The following RNGTT variants were observed in gnomAD, a reference collection of about 807,000 sequenced individuals.
RNGTT encodes the protein mRNA-capping enzyme.
In RNGTT, 33 loss-of-function variants were observed where a neutral mutation model predicts 79.3. The observed-to-expected ratio is 0.42, with a 90% CI of 0.32 to 0.56. RNGTT has a LOEUF of 0.56. RNGTT is among the 20% of genes least tolerant of loss of function. The pLI, the probability that RNGTT is intolerant of heterozygous loss-of-function variation, is 0.17. For missense variants in RNGTT, 497 were observed against 739.1 expected, an observed-to-expected ratio of 0.67 and a Z score of 3.80; for synonymous variants, 222 against 235.9, an observed-to-expected ratio of 0.94 and a Z score of 0.54.
At chr6:88,635,774 T>A (rs1562161761) in intron 14 of RNGTT, among the ~76,000 whole-genome samples, 1 of 152,080 alleles carries the variant, frequency 6.6e-6, no homozygotes, top group Non-Finnish European at 1.5e-5. Context: ...TAACTTGTTC[T>A]GAATTCTGTG....
chr6:88,963,556 T>A lies in RNGTT; in HGVS notation c.-147A>T. 1 of 693,060 alleles carries A rather than the reference T, an allele frequency of 1.4e-6. No individual in the cohort carries two copies. Among genetic ancestry groups the A allele is most frequent in the Non-Finnish European group, 2.2e-6 (1 of 449,066 alleles). 42.9% of individuals were successfully genotyped at this position (693,060 alleles called of 1,614,324 possible). On this transcript the variant is annotated 5_prime_UTR_variant, in exon 1 of 16. An upstream open reading frame in the 5' UTR loses its in-frame stop. Transcript: ENST00000369485. ...TCCAACCTCTCCGATCCGGGTAACG[T>A]CAGGGGCGGCGCGCCACTTTCATTC...
intron 13 of RNGTT, among the ~76,000 whole-genome samples, chr6:88,749,729 A>T (rs2127829649): frequency 6.6e-6 from 1 of 152,308 alleles, no homozygotes; most frequent in Non-Finnish European, 1.5e-5. Context: ...AACAATGTAT[A>T]CCAAGAGTAT....
chr6:88,693,628 T>C (rs897286397), intron 13 of RNGTT, among the ~76,000 whole-genome samples: 2 of 152,112 alleles, frequency 1.3e-5, no homozygotes, highest in Non-Finnish European at 1.5e-5. Context: ...ATTACCCTGA[T>C]ACCAATGCCA....
chr6:88,678,333 C>A lies in RNGTT; in HGVS notation c.1506+20G>T. 1 of 1,588,074 alleles carries A rather than the reference C, an allele frequency of 6.3e-7. No individual in the cohort carries two copies. The highest frequency in any genetic ancestry group is 8.6e-7 in the Non-Finnish European group (1 of 1,164,884). ...TAAGAGAACATCCAGGAAAAGTACACTGAAAATGAACAAACATACCTTGAT... is the reference window on the plus strand; with the variant it reads ...TAAGAGAACATCCAGGAAAAGTACAATGAAAATGAACAAACATACCTTGAT... On this transcript the variant is annotated intron_variant, in intron 14 of 15. Coordinates refer to ENST00000369485, the MANE Select transcript of RNGTT (RefSeq NM_003800.5).
chr6:88,876,114 T>C (rs1782509757), intron 8 of RNGTT, among the ~76,000 whole-genome samples: 1 of 152,206 alleles, frequency 6.6e-6, no homozygotes, highest in African/African-American at 2.4e-5. Context: ...ACAAAAAAAC[T>C]GGAGTCTAAA....
chr6:88,701,226 G>A lies in RNGTT; in HGVS notation c.1440-22807C>T, dbSNP rs140543873. 1.9e-3 allele frequency among the ~76,000 whole-genome samples: 288 copies of A among 152,168 alleles called. 1 individual carries two copies. Among genetic ancestry groups the A allele is most frequent in the Non-Finnish European group, 3.1e-3 (209 of 67,956 alleles). ...GCAAAGATGAGTAACATGAATGCTGGAAAGGTATGTAGTAATGTGGAAGGC... is the reference window on the plus strand; with the variant it reads ...GCAAAGATGAGTAACATGAATGCTGAAAAGGTATGTAGTAATGTGGAAGGC... On this transcript the variant is annotated intron_variant, in intron 13 of 15. Coordinates refer to ENST00000369485, the MANE Select transcript of RNGTT (RefSeq NM_003800.5).
chr6:88,699,888 G>A (rs889011490), intron 13 of RNGTT, among the ~76,000 whole-genome samples: 2 of 152,108 alleles, frequency 1.3e-5, no homozygotes, highest in Non-Finnish European at 2.9e-5. Context: ...TCAGAAAATA[G>A]AATAGTGGTT....
chr6:88,839,771 T>G (rs1177356056), intron 11 of RNGTT, among the ~76,000 whole-genome samples: 1 of 152,196 alleles, frequency 6.6e-6, no homozygotes, highest in Non-Finnish European at 1.5e-5. Context: ...ATATAGTCTG[T>G]TCAAATAATT....
chr6:88,804,004 C>T (rs533589453), intron 11 of RNGTT, among the ~76,000 whole-genome samples: 1 of 152,064 alleles, frequency 6.6e-6, no homozygotes, highest in Admixed American at 6.5e-5. Flanking sequence ...TTTTTCTTTA[C>T]TTGACACATA....
chr6:88,620,513 C>A (rs529551798), intron 14 of RNGTT, among the ~76,000 whole-genome samples: 297 of 152,270 alleles, frequency 2.0e-3, no homozygotes, highest in Non-Finnish European at 3.3e-3. Flanking sequence ...TCCAAACTTT[C>A]AACATATGCA....
intron 14 of RNGTT, among the ~76,000 whole-genome samples, chr6:88,669,246 G>C (rs1774535743): frequency 6.6e-6 from 1 of 152,138 alleles, no homozygotes; most frequent in African/African-American, 2.4e-5. Context: ...AACTGCCAGG[G>C]AAGACAAAAG....
chr6:88,761,721 A>T (rs1158846941), intron 13 of RNGTT, among the ~76,000 whole-genome samples: 2 of 152,192 alleles, frequency 1.3e-5, no homozygotes, highest in African/African-American at 4.8e-5. Flanking sequence ...GCTTTGATTT[A>T]GCACCACAAT....
At chr6:88,953,072 C>T (rs918204909) in intron 1 of RNGTT, among the ~76,000 whole-genome samples, 20 of 152,124 alleles carry the variant, frequency 1.3e-4, no homozygotes, top group South Asian at 1.0e-3. Context: ...TTCTATAAAA[C>T]GCCCCAAAAA....
At chr6:88,759,551 C>G (rs935664979) in intron 13 of RNGTT, among the ~76,000 whole-genome samples, 1 of 151,840 alleles carries the variant, frequency 6.6e-6, no homozygotes, top group African/African-American at 2.4e-5. Context: ...CATATACATG[C>G]ACATACATGT....
chr6:88,638,259 T>G (rs1465087312), intron 14 of RNGTT, among the ~76,000 whole-genome samples: 3 of 152,204 alleles, frequency 2.0e-5, no homozygotes, highest in Non-Finnish European at 4.4e-5. Flanking sequence ...TGAGCAATTT[T>G]CTCACAGGAA....
intron 6 of RNGTT, among the ~76,000 whole-genome samples, chr6:88,902,111 C>T (rs763821929): frequency 2.4e-4 from 37 of 151,844 alleles, no homozygotes; most frequent in Admixed American, 3.3e-4. Context: ...TAGCTTGAGC[C>T]CAGAAGTTCA....
intron 8 of RNGTT, among the ~76,000 whole-genome samples, chr6:88,889,342 TATAATGTTAAAATATCATTATA>T (rs1782969216): frequency 6.6e-6 from 1 of 152,112 alleles, no homozygotes; most frequent in African/African-American, 2.4e-5. Flanking sequence ...CTAGAAAGCA[TATAATGTTAAAATATCATTATA>T]GTCACCTAAT....
intron 14 of RNGTT, among the ~76,000 whole-genome samples, chr6:88,634,572 G>A (rs546970951): frequency 4.7e-4 from 72 of 152,184 alleles, no homozygotes; most frequent in African/African-American, 1.7e-3. Context: ...TGCCCTGAGT[G>A]TATAAAGGGT....
In RNGTT at chr6:88,678,395, G is replaced by A; in HGVS notation, c.1464C>T (p.Leu488=). Residue 488 remains leucine (L), a synonymous_variant, in exon 14 of 16, where the codon CTC becomes CTT. Transcript: ENST00000369485. The part of the protein sequence containing the change: ...GEGLLPQNVG[L]LYVGGYERPF... Reference sequence around the variant, plus strand: ...GTCTTTCATAACCTCCAACATACAGGAGGCCAACATTCTGAGGAAGTAACC... The same window carrying A: ...GTCTTTCATAACCTCCAACATACAGAAGGCCAACATTCTGAGGAAGTAACC... 6.8e-7 allele frequency: 1 copy of A among 1,460,854 alleles called. No homozygotes were observed. Among genetic ancestry groups the A allele is most frequent in the South Asian group, 1.6e-5 (1 of 62,706 alleles). The allele number at this position is 1,460,854 out of a possible 1,614,324, so 90.5% of individuals were successfully genotyped here. A position where few individuals can be genotyped will look rare whatever the true frequency, so the allele number is the denominator to read the frequency against.
Sources: gnomAD v4.1 joint callset for allele counts (sites outside exome capture counted in the v4.1 genomes callset) on GRCh38, gnomAD v4.1.1 for gene constraint, MANE v1.5 for transcripts, NCBI Gene and HGNC (gene_info 2026-07-23, HGNC 2026-07-21) for gene names.